The following KATNAL2 variants were observed in gnomAD, a reference collection of about 807,000 sequenced individuals.
KATNAL2 encodes katanin catalytic subunit A1 like 2.
Under a neutral mutation model 76.3 loss-of-function variants are expected in KATNAL2, and 52 were observed. The observed-to-expected ratio is 0.68, with a 90% confidence interval of 0.55 to 0.86. The LOEUF is 0.86. Among genes scored for constraint, KATNAL2 ranks in the 40% least tolerant of loss-of-function variants. The pLI is 0.00. For synonymous variants in KATNAL2, 243 were observed against 244.2 expected (o/e 1.00, Z 0.05); for missense variants, 660 against 668.9 (o/e 0.99, Z 0.15).
chr18:47,075,155 G>C (rs2062154202), intron 13 of KATNAL2, 122 bp from the exon 14 acceptor site: 4 of 667,656 alleles, frequency 6.0e-6, no homozygotes. Flanking sequence ...TAAAGTTTTT[G>C]TGAAATAACA....
intron 15 of KATNAL2, among the ~76,000 whole-genome samples, chr18:47,087,334 G>C (rs1022650746): frequency 6.6e-6 from 1 of 152,154 alleles, no homozygotes; most frequent in Admixed American, 6.5e-5. Context: ...TAAAGAAAAT[G>C]TGGTACATAT....
chr18:47,085,156 T>C (rs2062716066), intron 15 of KATNAL2, among the ~76,000 whole-genome samples: 2 of 152,238 alleles, frequency 1.3e-5, no homozygotes, highest in Admixed American at 6.5e-5. Flanking sequence ...CCCCTTGATT[T>C]CCTGGGACCC....
At chr18:46,928,212 G>C (rs535274686) in intron 1 of KATNAL2, among the ~76,000 whole-genome samples, 65 of 152,116 alleles carry the variant, frequency 4.3e-4, no homozygotes, top group South Asian at 3.1e-3. Flanking sequence ...CCATCTTTGT[G>C]GTTTTATCTA....
chr18:46,929,614 C>T (rs1236311309), intron 1 of KATNAL2, among the ~76,000 whole-genome samples: 1 of 152,118 alleles, frequency 6.6e-6, no homozygotes, highest in Non-Finnish European at 1.5e-5. Flanking sequence ...CTTTCTCTTG[C>T]TGATGGACAT....
intron 1 of KATNAL2, among the ~76,000 whole-genome samples, chr18:46,943,282 C>T (rs888280467): frequency 2.6e-5 from 4 of 152,086 alleles, no homozygotes; most frequent in Non-Finnish European, 5.9e-5. Flanking sequence ...TGAACTACAG[C>T]AACTCAATCT....
chr18:47,051,668 T>C (rs958660758), intron 4 of KATNAL2, among the ~76,000 whole-genome samples: 3 of 152,184 alleles, frequency 2.0e-5, no homozygotes, highest in Non-Finnish European at 2.9e-5. Flanking sequence ...TAGAAGGTGA[T>C]TGGCTAGAGT....
At chr18:47,091,075 G>C (rs1346229860) in intron 15 of KATNAL2, 2 of 152,192 alleles carry the variant, frequency 1.3e-5, no homozygotes, top group African/African-American at 2.4e-5. Flanking sequence ...GAATAAACTA[G>C]AATTATGTTG....
chr18:46,926,313 T>G (rs2058728580), intron 1 of KATNAL2, among the ~76,000 whole-genome samples: 1 of 152,214 alleles, frequency 6.6e-6, no homozygotes, highest in Non-Finnish European at 1.5e-5. Flanking sequence ...TCAAAGAACA[T>G]CTTTATTTCT....
chr18:46,937,769 C>T (rs960784272), intron 1 of KATNAL2, among the ~76,000 whole-genome samples: 2 of 152,104 alleles, frequency 1.3e-5, no homozygotes, highest in African/African-American at 4.8e-5. Flanking sequence ...TGAACCTGTC[C>T]ATCAACATGA....
chr18:47,069,885 C>T (rs1053371505), intron 13 of KATNAL2, among the ~76,000 whole-genome samples: 10 of 152,048 alleles, frequency 6.6e-5, no homozygotes, highest in Non-Finnish European at 1.0e-4. Flanking sequence ...AAATCTCTGA[C>T]GTGGCATATT....
At chr18:46,955,512 G>A (rs562736838) in intron 3 of KATNAL2, among the ~76,000 whole-genome samples, 13 of 151,300 alleles carry the variant, frequency 8.6e-5, no homozygotes, top group Admixed American at 3.3e-4. Flanking sequence ...GCGTTCTACC[G>A]CGCCTGACGC....
intron 3 of KATNAL2, chr18:47,032,723 T>C: frequency 1.8e-6 from 1 of 552,292 alleles, no homozygotes; most frequent in South Asian, 2.3e-5. Context: ...TGATTACAAC[T>C]AGGGTGTTTT....
At chr18:47,089,815 T>C (rs554066550) in intron 15 of KATNAL2, among the ~76,000 whole-genome samples, 19 of 152,298 alleles carry the variant, frequency 1.2e-4, no homozygotes, top group Middle Eastern at 3.4e-3. Flanking sequence ...TTCACCTTCA[T>C]AAATAATTCC....
At position 47,102,057 on chromosome 18, in the gene KATNAL2, A is replaced by C. The variant is rs2063447074; in HGVS notation, c.*1052A>C. ...TCTTCAAGAGGAAAAACCTCCAGAA[A>C]GAGACACTTTGGATAGCTAAGTATC... On this transcript the variant is annotated 3_prime_UTR_variant, in exon 18 of 18. Transcript: ENST00000683218. 6.6e-6 allele frequency: 1 copy of C among 152,180 alleles called. No individual in the cohort carries two copies. Among genetic ancestry groups the C allele is most frequent in the Non-Finnish European group, 1.5e-5 (1 of 68,028 alleles). 9.4% of individuals were successfully genotyped at this position (152,180 alleles called of 1,614,324 possible).
At chr18:47,033,108 C>A (rs757135048) in intron 3 of KATNAL2, 1 of 1,614,166 alleles carries the variant, frequency 6.2e-7, no homozygotes, top group Admixed American at 1.7e-5. Flanking sequence ...GCGCCGCGTG[C>A]TCATTGCTGC....
intron 1 of KATNAL2, among the ~76,000 whole-genome samples, chr18:46,941,157 C>G (rs924245327): frequency 2.0e-5 from 3 of 151,986 alleles, no homozygotes; most frequent in African/African-American, 7.3e-5. Flanking sequence ...AACCCCATCT[C>G]TAATAAAAAT....
At chr18:47,039,032 C>A (rs767306386) in intron 3 of KATNAL2, among the ~76,000 whole-genome samples, 21 of 152,248 alleles carry the variant, frequency 1.4e-4, no homozygotes, top group Admixed American at 2.6e-4. Context: ...AAAGCAGGCC[C>A]TCATGGTGCT....
At chr18:47,077,584 G>T (rs1159920649) in intron 15 of KATNAL2, 123 bp downstream of exon 15, 2 of 684,222 alleles carry the variant, frequency 2.9e-6, no homozygotes, top group Non-Finnish European at 2.6e-6. Flanking sequence ...GAAGATTAAT[G>T]TGGAGGCTTT....
chr18:46,919,767 A>G (rs1172815698), intron 1 of KATNAL2, among the ~76,000 whole-genome samples: 2 of 152,236 alleles, frequency 1.3e-5, no homozygotes, highest in East Asian at 1.9e-4. Flanking sequence ...TGAATAAAGG[A>G]ATGAATGAAC....
Sources: allele counts gnomAD v4.1 joint callset (sites outside exome capture counted in the v4.1 genomes callset), GRCh38; gene constraint gnomAD v4.1.1; transcripts MANE v1.5; gene names NCBI Gene and HGNC (gene_info 2026-07-23, HGNC 2026-07-21).